HTR2C: variants seen among roughly 807,000 people sequenced by gnomAD.
HTR2C encodes 5-hydroxytryptamine receptor 2C, also known as 5-hydroxytryptamine (serotonin) receptor 2C, G protein-coupled.
A neutral mutation model predicts 21.0 loss-of-function variants in HTR2C; 5 were observed. The ratio of observed to expected loss-of-function variants is 0.24; its 90% confidence interval spans 0.12 to 0.50. HTR2C has a LOEUF of 0.50. Ranked by LOEUF, HTR2C falls within the 20% of genes least tolerant of loss-of-function variation. The pLI is 0.98. For missense variants in HTR2C, 271 were observed against 371.2 expected (o/e 0.73, Z 2.22); for synonymous variants, 150 against 145.3 (o/e 1.03, Z -0.23).
At chrX:114,792,547 T>A (rs1556443934) in intron 4 of HTR2C, among the ~76,000 whole-genome samples, 1 of 111,830 alleles carries the variant, frequency 8.9e-6, no homozygotes, top group Non-Finnish European at 1.9e-5. Flanking sequence ...TGATCTCATG[T>A]CTTTGGTATT....
intron 2 of HTR2C, among the ~76,000 whole-genome samples, chrX:114,708,329 T>TA (rs1405236320): frequency 2.7e-5 from 3 of 112,163 alleles, no homozygotes; most frequent in Non-Finnish European, 5.6e-5. Flanking sequence ...CCAAATATCA[T>TA]AGCTAAGAAG....
At chrX:114,596,888 G>T (rs184922644) in intron 1 of HTR2C, among the ~76,000 whole-genome samples, 172 of 110,949 alleles carry the variant, frequency 1.6e-3, no homozygotes, top group Non-Finnish European at 2.3e-3. Context: ...CTGAGTAATC[G>T]TGTAGATTTC....
chrX:114,674,911 A>C (rs1556412282), intron 2 of HTR2C, among the ~76,000 whole-genome samples: 1 of 112,074 alleles, frequency 8.9e-6, no homozygotes, highest in African/African-American at 3.2e-5. Context: ...ATGAATCTTA[A>C]ATTCAATTCA....
At chrX:114,817,165 G>GT (rs1439726264) in intron 4 of HTR2C, among the ~76,000 whole-genome samples, 5 of 110,608 alleles carry the variant, frequency 4.5e-5, no homozygotes, top group South Asian at 3.7e-4. Context: ...GTGTCTGTAG[G>GT]TTTTTTTTAG....
chrX:114,782,490 G>A (rs1556440876), intron 4 of HTR2C, among the ~76,000 whole-genome samples: 1 of 111,523 alleles, frequency 9.0e-6, no homozygotes, highest in African/African-American at 3.3e-5. Context: ...GCCAACGTGG[G>A]AGGAATGCCT....
chrX:114,830,271 C>G (rs2070709919), intron 4 of HTR2C, among the ~76,000 whole-genome samples: 1 of 111,330 alleles, frequency 9.0e-6, no homozygotes, highest in East Asian at 2.8e-4. Context: ...CCTCTTGTCC[C>G]CTGGGAAGAC....
chrX:114,604,153 G>A (rs1420139209), intron 1 of HTR2C, among the ~76,000 whole-genome samples: 1 of 108,758 alleles, frequency 9.2e-6, no homozygotes, highest in African/African-American at 3.4e-5. Context: ...GGTTAAGGTG[G>A]GGGGATACAA....
At chrX:114,851,734 T>G (rs1314424825) in intron 5 of HTR2C, among the ~76,000 whole-genome samples, 1 of 111,392 alleles carries the variant, frequency 9.0e-6, no homozygotes, top group Non-Finnish European at 1.9e-5. Context: ...CCATCAGCTT[T>G]TGAGCATTTG....
chrX:114,709,461 C>T (rs1357067640), intron 2 of HTR2C, among the ~76,000 whole-genome samples: 1 of 111,941 alleles, frequency 8.9e-6, no homozygotes, highest in Non-Finnish European at 1.9e-5. Context: ...TTCCTCTAGT[C>T]ATGGAAGTGT....
At chrX:114,783,514 A>G (rs2070140993) in intron 4 of HTR2C, among the ~76,000 whole-genome samples, 3 of 112,226 alleles carry the variant, frequency 2.7e-5, no homozygotes. Flanking sequence ...AAACAAATAG[A>G]TAATTTCACT....
rs183232813 is a variant in HTR2C, at chrX:114,906,524, C to T, written c.551-65C>T. 636 of 785,174 alleles carry T rather than the reference C, an allele frequency of 8.1e-4. 6 individuals carry two copies. In the African/African-American group the frequency reaches 0.012, roughly 15 times the overall value. 64.7% of individuals were successfully genotyped at this position (785,174 alleles called of 1,213,427 possible). A position where few individuals can be genotyped will look rare whatever the true frequency, so the allele number is the denominator to read the frequency against. ...CCGTAAAATGCAAATTAATGTATGC[C>T]GTTGAATACATCTGTTCAGTCCTTC... On this transcript the variant is annotated intron_variant, in intron 5 of 5. Transcript: ENST00000276198.
intron 2 of HTR2C, among the ~76,000 whole-genome samples, chrX:114,657,699 T>TA (rs1318584104): frequency 1.8e-5 from 2 of 111,364 alleles, no homozygotes; most frequent in African/African-American, 6.5e-5. Context: ...TCTCATTTTT[T>TA]TATATATATT....
chrX:114,648,090 G>C (rs184034008), intron 2 of HTR2C, among the ~76,000 whole-genome samples: 43 of 111,888 alleles, frequency 3.8e-4, no homozygotes, highest in African/African-American at 1.2e-3. Flanking sequence ...GCTAGGTTTG[G>C]TGCAAAAGTG....
intron 2 of HTR2C, among the ~76,000 whole-genome samples, chrX:114,622,682 AC>A (rs1929211739): frequency 8.9e-6 from 1 of 112,110 alleles, no homozygotes; most frequent in Non-Finnish European, 1.9e-5. Flanking sequence ...TTGGAAGCCT[AC>A]TTTATTTATC....
At chrX:114,890,344 A>G (rs1961539922) in intron 5 of HTR2C, among the ~76,000 whole-genome samples, 1 of 112,038 alleles carries the variant, frequency 8.9e-6, no homozygotes, top group African/African-American at 3.2e-5. Context: ...AAAGCCACTT[A>G]CAGAATGTTG....
intron 2 of HTR2C, among the ~76,000 whole-genome samples, chrX:114,652,453 A>G (rs1434604716): frequency 9.0e-6 from 1 of 110,807 alleles, no homozygotes; most frequent in Non-Finnish European, 1.9e-5. Flanking sequence ...GAAAAATAAC[A>G]GAAGTTCACT....
chrX:114,909,250 A>G lies in HTR2C; in HGVS notation c.*1835A>G, dbSNP rs1243048399. On this transcript the variant is annotated 3_prime_UTR_variant, in exon 6 of 6. Transcript: ENST00000276198. ...TGTTGAAGTGCATGTTAAAATAATT[A>G]TATGAAGCAGAATGAGATGATTTAA... 1.8e-5 allele frequency: 2 copies of G among 112,704 alleles called. No individual in the cohort carries two copies. The highest frequency in any genetic ancestry group is 6.4e-5 in the African/African-American group (2 of 31,010). The allele number at this position is 112,704 out of a possible 1,213,427, so 9.3% of individuals were successfully genotyped here.
intron 4 of HTR2C, among the ~76,000 whole-genome samples, chrX:114,806,311 C>A (rs1431150193): frequency 4.1e-5 from 4 of 97,733 alleles, no homozygotes; most frequent in Admixed American, 1.2e-4. Context: ...CATATATATA[C>A]ACTACATATA....
chrX:114,899,430 G>A (rs1837379724), intron 5 of HTR2C, among the ~76,000 whole-genome samples: 1 of 111,234 alleles, frequency 9.0e-6, no homozygotes, highest in Non-Finnish European at 1.9e-5. Flanking sequence ...AGTATGTAAA[G>A]CTCCTGGGTC....
Sources: gnomAD v4.1 joint callset for allele counts (sites outside exome capture counted in the v4.1 genomes callset) on GRCh38, gnomAD v4.1.1 for gene constraint, MANE v1.5 for transcripts, NCBI Gene and HGNC (gene_info 2026-07-23, HGNC 2026-07-21) for gene names.